Variants in ANO4 observed in about 807,000 individuals in gnomAD.
ANO4 encodes anoctamin-4.
A neutral mutation model predicts 141.9 loss-of-function variants in ANO4; 69 were observed. The ratio of observed to expected loss-of-function variants is 0.49; its 90% CI spans 0.40 to 0.59. The LOEUF is 0.59. Ranked by LOEUF, ANO4 falls within the 20% of genes least tolerant of loss-of-function variation. The pLI is 0.00. For synonymous variants in ANO4, 350 were observed against 394.3 expected (o/e 0.89, Z 1.33); for missense variants, 894 against 1,162.2 (o/e 0.77, Z 3.36).
At position 100,938,373 on chromosome 12, in the gene ANO4, C is replaced by A. The variant is rs185730432; in HGVS notation, c.161-942C>A. ...TATGCCTGACACACAATGTGCACAT[C>A]TCTAAAATGTTTTTGAATGAAAGAA... On this transcript the variant is annotated intron_variant, in intron 3 of 27. Coordinates refer to ENST00000392977, the MANE Select transcript of ANO4 (RefSeq NM_001286615.2). Among the ~76,000 whole-genome samples the A allele has an allele frequency of 1.4e-3, 212 of 152,308 alleles. 2 individuals are homozygous for A. Among genetic ancestry groups the A allele is most frequent in the African/African-American group, 4.9e-3 (204 of 41,576 alleles).
intron 1 of ANO4, among the ~76,000 whole-genome samples, chr12:100,796,938 C>T (rs1236003035): frequency 6.6e-6 from 1 of 152,054 alleles, no homozygotes; most frequent in Non-Finnish European, 1.5e-5. Context: ...GCTTGGGTGT[C>T]ATGGAAATAG....
At chr12:100,839,444 T>C (rs1413502218) in intron 1 of ANO4, among the ~76,000 whole-genome samples, 1 of 152,168 alleles carries the variant, frequency 6.6e-6, no homozygotes, top group East Asian at 1.9e-4. Flanking sequence ...GTAATGTAGG[T>C]ACAAGAATAT....
At chr12:101,102,849 C>A (rs1316010192) in intron 22 of ANO4, among the ~76,000 whole-genome samples, 1 of 151,700 alleles carries the variant, frequency 6.6e-6, no homozygotes, top group Non-Finnish European at 1.5e-5. Flanking sequence ...AAATGGTATA[C>A]CTTTGCATTT....
At chr12:100,930,060 C>T in intron 3 of ANO4, among the ~76,000 whole-genome samples, 1 of 152,146 alleles carries the variant, frequency 6.6e-6, no homozygotes, top group South Asian at 2.1e-4. Flanking sequence ...TGTTTGAGCT[C>T]CATATATATT....
intron 8 of ANO4, among the ~76,000 whole-genome samples, chr12:100,989,795 ATG>A (rs1443283248): frequency 1.3e-5 from 2 of 149,592 alleles, no homozygotes; most frequent in African/African-American, 4.9e-5. Context: ...GGATGGATGG[ATG>A]GATAGATGGA....
At chr12:100,929,626 C>A (rs1487742429) in intron 3 of ANO4, among the ~76,000 whole-genome samples, 1 of 152,176 alleles carries the variant, frequency 6.6e-6, no homozygotes, top group East Asian at 1.9e-4. Flanking sequence ...GGGGTATATA[C>A]CCCTAAGCAG....
chr12:100,921,003 C>T (rs1305828273), intron 2 of ANO4, among the ~76,000 whole-genome samples: 1 of 152,142 alleles, frequency 6.6e-6, no homozygotes, highest in Non-Finnish European at 1.5e-5. Flanking sequence ...AGAGGTTCAG[C>T]ATTATCTAAT....
chr12:101,012,559 T>C (rs1179083768), intron 8 of ANO4, among the ~76,000 whole-genome samples: 1 of 152,152 alleles, frequency 6.6e-6, no homozygotes, highest in Non-Finnish European at 1.5e-5. Flanking sequence ...GAAAACAAAT[T>C]CAATGTTGCT....
At chr12:100,998,299 G>C (rs1302830550) in intron 8 of ANO4, among the ~76,000 whole-genome samples, 1 of 152,118 alleles carries the variant, frequency 6.6e-6, no homozygotes, top group Non-Finnish European at 1.5e-5. Context: ...ACTCAGACTG[G>C]CTCTCCTTGC....
intron 14 of ANO4, among the ~76,000 whole-genome samples, chr12:101,063,773 T>TTTTTTTC: frequency 7.1e-6 from 1 of 140,938 alleles, no homozygotes; most frequent in Non-Finnish European, 1.5e-5. Flanking sequence ...TTTTTTTTTT[T>TTTTTTTC]TTTTTGCCTT....
intron 7 of ANO4, among the ~76,000 whole-genome samples, chr12:100,979,903 T>C (rs1362779551): frequency 6.7e-6 from 1 of 149,976 alleles, no homozygotes; most frequent in Non-Finnish European, 1.5e-5. Flanking sequence ...GACTTTTTTT[T>C]TTTTTTTTTT....
chr12:100,877,258 G>A (rs1212443156), intron 1 of ANO4, among the ~76,000 whole-genome samples: 1 of 151,836 alleles, frequency 6.6e-6, no homozygotes, highest in African/African-American at 2.4e-5. Flanking sequence ...AAATTGCCAA[G>A]AGATTAGATT....
chr12:101,104,018 G>C (rs2050311328), intron 22 of ANO4, among the ~76,000 whole-genome samples: 1 of 151,646 alleles, frequency 6.6e-6, no homozygotes, highest in Admixed American at 6.6e-5. Context: ...TTCAAACTTA[G>C]CAGCGTAAAA....
intron 1 of ANO4, among the ~76,000 whole-genome samples, chr12:100,811,360 T>A (rs1240632743): frequency 6.6e-6 from 1 of 152,184 alleles, no homozygotes; most frequent in Non-Finnish European, 1.5e-5. Context: ...TCCCTTATCT[T>A]TGGAAGATAT....
chr12:100,978,582 T>C (rs182960618), intron 7 of ANO4, among the ~76,000 whole-genome samples: 16 of 152,356 alleles, frequency 1.1e-4, no homozygotes, highest in Admixed American at 9.8e-4. Context: ...TAAAATAAGC[T>C]ATAATCTCTA....
intron 19 of ANO4, 62 bp downstream of exon 19, chr12:101,096,709 C>G: frequency 7.8e-7 from 1 of 1,278,122 alleles, no homozygotes. Context: ...AAGGCACTGA[C>G]TCGTGGGGAC....
chr12:100,877,996 G>C (rs1054829972), intron 1 of ANO4, among the ~76,000 whole-genome samples: 3 of 152,096 alleles, frequency 2.0e-5, no homozygotes, highest in African/African-American at 7.2e-5. Flanking sequence ...GCGAGCAGGT[G>C]AATAAGCAAT....
At chr12:100,992,154 C>T (rs1403744795) in intron 8 of ANO4, among the ~76,000 whole-genome samples, 1 of 152,236 alleles carries the variant, frequency 6.6e-6, no homozygotes, top group Non-Finnish European at 1.5e-5. Flanking sequence ...TTACTCTTGT[C>T]ACCACCAATC....
At chr12:101,074,568 AG>A (rs2048950145) in intron 14 of ANO4, among the ~76,000 whole-genome samples, 1 of 152,212 alleles carries the variant, frequency 6.6e-6, no homozygotes, top group Admixed American at 6.5e-5. Context: ...TTTATTGTGG[AG>A]GAAAGCAAGA....
Sources: gnomAD v4.1 joint callset for allele counts (sites outside exome capture counted in the v4.1 genomes callset) on GRCh38, gnomAD v4.1.1 for gene constraint, MANE v1.5 for transcripts, NCBI Gene and HGNC (gene_info 2026-07-23, HGNC 2026-07-21) for gene names.